The following PDGFC variants were observed in gnomAD, a reference collection of about 807,000 sequenced individuals.
PDGFC encodes the protein platelet-derived growth factor C.
PDGFC carries 12 observed loss-of-function variants against 35.5 expected under a neutral mutation model. That is an observed-to-expected ratio of 0.34 (90% CI 0.22 to 0.55). The LOEUF (loss-of-function observed/expected upper bound fraction) is 0.55, where lower values mean the gene tolerates loss of function less well. PDGFC is among the 20% of genes least tolerant of loss of function. PDGFC has a pLI of 0.91. For synonymous variants in PDGFC, 159 were observed against 148.8 expected (o/e 1.07, Z -0.50); for missense variants, 322 against 412.4 (o/e 0.78, Z 1.90).
At chr4:156,950,585 T>A (rs148863745) in intron 1 of PDGFC, among the ~76,000 whole-genome samples, 3 of 151,854 alleles carry the variant, frequency 2.0e-5, no homozygotes, top group Non-Finnish European at 4.4e-5. Flanking sequence ...AAAATTAATA[T>A]GCCTTTTCTC....
chr4:156,810,424 T>A (rs1390203116), intron 3 of PDGFC, among the ~76,000 whole-genome samples: 1 of 151,960 alleles, frequency 6.6e-6, no homozygotes, highest in Admixed American at 6.6e-5. Context: ...TTAACTTCAA[T>A]CATACATGAT....
chr4:156,784,501 G>A lies in PDGFC; in HGVS notation c.496-11608C>T, dbSNP rs1731068006. Among the ~76,000 whole-genome samples, 3 of 152,244 alleles carry A rather than the reference G, an allele frequency of 2.0e-5. No homozygotes were observed. The South Asian group carries it at 6.2e-4, about 32-fold the overall frequency. ...GAATAGAGAAGTTTCATCGAAGTAA[G>A]AAAGGAAGAAAGGGGGCCGTTAAAA... On this transcript the variant is annotated intron_variant, in intron 3 of 5. Transcript: ENST00000502773.
chr4:156,761,939 G>A lies in PDGFC; in HGVS notation c.*1151C>T, dbSNP rs1730386758. ...CCAAGTCTTTTTCAAGGTGCTTTAT[G>A]TTTTTCTGAGCTAGGCTCAGATTTC... On this transcript the variant is annotated 3_prime_UTR_variant, in exon 6 of 6. Coordinates refer to ENST00000502773, the MANE Select transcript of PDGFC (RefSeq NM_016205.3). 6.6e-6 allele frequency: 1 copy of A among 152,594 alleles called. No homozygotes were observed. Among genetic ancestry groups the A allele is most frequent in the Non-Finnish European group, 1.5e-5 (1 of 68,026 alleles). 9.5% of individuals were successfully genotyped at this position (152,594 alleles called of 1,614,324 possible). A position where few individuals can be genotyped will look rare whatever the true frequency, so the allele number is the denominator to read the frequency against.
chr4:156,877,782 T>G (rs1730149496), intron 1 of PDGFC, among the ~76,000 whole-genome samples: 1 of 152,128 alleles, frequency 6.6e-6, no homozygotes, highest in African/African-American at 2.4e-5. Context: ...ATCCCTTTGG[T>G]GACCCCAGCT....
At chr4:156,946,098 C>T (rs1731940538) in intron 1 of PDGFC, among the ~76,000 whole-genome samples, 1 of 151,894 alleles carries the variant, frequency 6.6e-6, no homozygotes. Context: ...TATGTCCTGC[C>T]TATTAAAAAC....
chr4:156,791,284 A>G (rs1295719477), intron 3 of PDGFC, among the ~76,000 whole-genome samples: 1 of 152,212 alleles, frequency 6.6e-6, no homozygotes, highest in East Asian at 1.9e-4. Context: ...AGGTTAAGAC[A>G]GGCTCTGATC....
chr4:156,953,321 C>T (rs1439144414), intron 1 of PDGFC, among the ~76,000 whole-genome samples: 3 of 151,994 alleles, frequency 2.0e-5, no homozygotes, highest in Non-Finnish European at 4.4e-5. Context: ...TTACTAAAGA[C>T]ACCTAGCAAT....
chr4:156,870,403 T>C (rs1416080332), intron 1 of PDGFC, among the ~76,000 whole-genome samples: 1 of 152,156 alleles, frequency 6.6e-6, no homozygotes, highest in African/African-American at 2.4e-5. Context: ...ACCACAAGGC[T>C]GAAGTGAATT....
intron 1 of PDGFC, among the ~76,000 whole-genome samples, chr4:156,946,481 G>A (rs1731951617): frequency 6.6e-6 from 1 of 151,962 alleles, no homozygotes; most frequent in Admixed American, 6.6e-5. Context: ...AATGGCCTTG[G>A]TATTATTTTA....
At chr4:156,952,725 A>T (rs915749670) in intron 1 of PDGFC, among the ~76,000 whole-genome samples, 1 of 151,902 alleles carries the variant, frequency 6.6e-6, no homozygotes, top group Non-Finnish European at 1.5e-5. Flanking sequence ...TCAACCTTCT[A>T]GTAACACCAA....
chr4:156,877,706 C>A (rs6816724), intron 1 of PDGFC, among the ~76,000 whole-genome samples: 12,910 of 152,100 alleles, frequency 0.085, 1,808 homozygotes, highest in African/African-American at 0.29. Context: ...TCTAAATGTG[C>A]AGACACTATG....
At chr4:156,840,372 A>G (rs1329942240) in intron 2 of PDGFC, among the ~76,000 whole-genome samples, 4 of 152,176 alleles carry the variant, frequency 2.6e-5, no homozygotes, top group Non-Finnish European at 5.9e-5. Context: ...AAGCCTTGGT[A>G]GCTTCTATGT....
chr4:156,815,910 C>T (rs1364012807), intron 2 of PDGFC, among the ~76,000 whole-genome samples: 1 of 152,118 alleles, frequency 6.6e-6, no homozygotes, highest in Non-Finnish European at 1.5e-5. Context: ...ATGATCACTC[C>T]CTTTCTCTAA....
intron 2 of PDGFC, among the ~76,000 whole-genome samples, chr4:156,839,697 C>T (rs544750255): frequency 1.3e-5 from 2 of 152,192 alleles, no homozygotes; most frequent in South Asian, 4.2e-4. Flanking sequence ...TTTGAAACTT[C>T]CTCGAGACTT....
chr4:156,901,988 G>A (rs1007900906), intron 1 of PDGFC, among the ~76,000 whole-genome samples: 1 of 152,206 alleles, frequency 6.6e-6, no homozygotes, highest in African/African-American at 2.4e-5. Context: ...AAGGGAAGTA[G>A]GACAGAGAAA....
At chr4:156,927,248 TG>T (rs1388879094) in intron 1 of PDGFC, among the ~76,000 whole-genome samples, 1 of 152,102 alleles carries the variant, frequency 6.6e-6, no homozygotes, top group Non-Finnish European at 1.5e-5. Flanking sequence ...AGGTCTGTGA[TG>T]GGAGGGGCTG....
rs1355199210 is a variant in PDGFC, at chr4:156,942,100, C to T, written c.118+28686G>A. Among the ~76,000 whole-genome samples the T allele has an allele frequency of 2.0e-5, 3 of 151,734 alleles. No individual in the cohort carries two copies. The East Asian group carries it at 5.8e-4, about 30-fold the overall frequency. On this transcript the variant is annotated intron_variant, in intron 1 of 5. Transcript: ENST00000502773. The stretch of plus-strand genomic sequence containing the variant: ...TTGAGCACGTAGCCCTGTGGTCTGC[C>T]TAAAGACGAGAGGGAAAACCCCTTG...
chr4:156,867,081 T>C (rs1194395852), intron 1 of PDGFC, among the ~76,000 whole-genome samples: 1 of 152,216 alleles, frequency 6.6e-6, no homozygotes, highest in Non-Finnish European at 1.5e-5. Context: ...TAGAGTATAA[T>C]AGGCATCCTT....
At chr4:156,951,479 T>C (rs1048898402) in intron 1 of PDGFC, among the ~76,000 whole-genome samples, 2 of 151,758 alleles carry the variant, frequency 1.3e-5, no homozygotes, top group Non-Finnish European at 2.9e-5. Flanking sequence ...GAATGGTCTG[T>C]TGGCAAAGGC....
Sources: allele counts gnomAD v4.1 joint callset (sites outside exome capture counted in the v4.1 genomes callset), GRCh38; gene constraint gnomAD v4.1.1; transcripts MANE v1.5; gene names NCBI Gene and HGNC (gene_info 2026-07-23, HGNC 2026-07-21).